LIPC: variants seen among roughly 807,000 people sequenced by gnomAD.
The protein encoded by LIPC is hepatic triacylglycerol lipase.
A neutral mutation model predicts 50.7 loss-of-function variants in LIPC; 44 were observed. The observed-to-expected ratio is 0.87, with a 90% confidence interval of 0.68 to 1.11. The LOEUF (loss-of-function observed/expected upper bound fraction) is 1.11. Ranked by LOEUF, LIPC falls within the 50% of genes most tolerant of loss-of-function variation. The pLI, the probability that LIPC is intolerant of heterozygous loss-of-function variation, is 0.00. For missense variants in LIPC, 697 were observed against 648.2 expected (o/e 1.08, Z -0.82); for synonymous variants, 271 against 256.4 (o/e 1.06, Z -0.54).
chr15:58,485,477 G>A (rs1891342710), intron 1 of LIPC, among the ~76,000 whole-genome samples: 1 of 152,138 alleles, frequency 6.6e-6, no homozygotes, highest in Admixed American at 6.5e-5. Flanking sequence ...TCACTCCCCT[G>A]GCTCTCAGGC....
At position 58,569,065 on chromosome 15, in the gene LIPC, A is replaced by G; in HGVS notation, c.*238A>G. 1 of 352,452 alleles carries G rather than the reference A, an allele frequency of 2.8e-6. No homozygotes were observed. Among genetic ancestry groups the G allele is most frequent in the South Asian group, 6.1e-5 (1 of 16,464 alleles). The allele number at this position is 352,452 out of a possible 1,614,324, so 21.8% of individuals were successfully genotyped here. A position where few individuals can be genotyped will look rare whatever the true frequency, so the allele number is the denominator to read the frequency against. ...CAATTTTATCTCTGGTTAAATGTTAATATATGCAAATAAGTACAAATGCAA... is the reference window on the plus strand; with the variant it reads ...CAATTTTATCTCTGGTTAAATGTTAGTATATGCAAATAAGTACAAATGCAA... On this transcript the variant is annotated 3_prime_UTR_variant, in exon 9 of 9. Transcript: ENST00000299022.
intron 1 of LIPC, chr15:58,494,647 C>A: frequency 4.9e-6 from 2 of 407,366 alleles, no homozygotes; most frequent in South Asian, 3.7e-5. Context: ...CCACCTGTAT[C>A]AATCAGTGCC....
chr15:58,520,351 G>A (rs1313554169), intron 1 of LIPC, among the ~76,000 whole-genome samples: 1 of 152,140 alleles, frequency 6.6e-6, no homozygotes, highest in East Asian at 1.9e-4. Flanking sequence ...AGTTCCACAA[G>A]ATCCTTGGCC....
chr15:58,476,814 T>C (rs551283250), intron 1 of LIPC, among the ~76,000 whole-genome samples: 1 of 152,358 alleles, frequency 6.6e-6, no homozygotes, highest in East Asian at 1.9e-4. Flanking sequence ...AATGTGCCTC[T>C]GTACTTGAGA....
intron 1 of LIPC, among the ~76,000 whole-genome samples, chr15:58,450,763 G>T (rs1893871775): frequency 6.6e-6 from 1 of 152,144 alleles, no homozygotes; most frequent in Non-Finnish European, 1.5e-5. Flanking sequence ...AGTGAAAGTA[G>T]TAAGAAATGC....
At chr15:58,539,183 G>C (rs1391066206) in intron 2 of LIPC, among the ~76,000 whole-genome samples, 1 of 152,096 alleles carries the variant, frequency 6.6e-6, no homozygotes. Flanking sequence ...TGTACACAAA[G>C]GAGTCAAAAG....
At chr15:58,557,612 G>C (rs1338118672) in intron 6 of LIPC, among the ~76,000 whole-genome samples, 4 of 151,866 alleles carry the variant, frequency 2.6e-5, no homozygotes, top group Non-Finnish European at 4.4e-5. Flanking sequence ...GTCTCGATCT[G>C]TTGACCTCGT....
intron 6 of LIPC, among the ~76,000 whole-genome samples, chr15:58,559,922 G>T (rs1030513016): frequency 1.3e-5 from 2 of 151,092 alleles, no homozygotes; most frequent in Non-Finnish European, 2.9e-5. Flanking sequence ...ACCATCTAGG[G>T]TGAGGGAAGC....
At chr15:58,514,415 G>T (rs1329991355) in intron 1 of LIPC, among the ~76,000 whole-genome samples, 6 of 152,190 alleles carry the variant, frequency 3.9e-5, no homozygotes, top group African/African-American at 1.2e-4. Context: ...TTTCAAATAG[G>T]ATTATGCACT....
At chr15:58,564,775 G>A (rs748590082) in intron 8 of LIPC, among the ~76,000 whole-genome samples, 14 of 151,926 alleles carry the variant, frequency 9.2e-5, no homozygotes, top group East Asian at 1.9e-4. Flanking sequence ...ATGCTCCAGC[G>A]CTCCTGAAGT....
intron 1 of LIPC, among the ~76,000 whole-genome samples, chr15:58,529,662 A>G (rs142540036): frequency 3.1e-3 from 472 of 152,350 alleles, no homozygotes; most frequent in Non-Finnish European, 5.7e-3. Flanking sequence ...GAGCTTTAAC[A>G]GAGATAGGAA....
At chr15:58,438,728 G>T (rs1239013182) in intron 1 of LIPC, among the ~76,000 whole-genome samples, 1 of 152,218 alleles carries the variant, frequency 6.6e-6, no homozygotes, top group South Asian at 2.1e-4. Flanking sequence ...CCTAAACATG[G>T]TCACAAAGTA....
intron 1 of LIPC, among the ~76,000 whole-genome samples, chr15:58,461,910 G>A (rs1219440805): frequency 6.7e-5 from 10 of 149,688 alleles, no homozygotes; most frequent in African/African-American, 2.5e-4. Context: ...CTCCACACCT[G>A]CCTCGTGCTG....
chr15:58,452,816 G>C (rs1227945155), intron 1 of LIPC, among the ~76,000 whole-genome samples: 1 of 152,242 alleles, frequency 6.6e-6, no homozygotes, highest in Non-Finnish European at 1.5e-5. Flanking sequence ...GGGACTGGGA[G>C]CTGGTAGTGA....
chr15:58,469,303 G>A (rs1336662501), intron 1 of LIPC, among the ~76,000 whole-genome samples: 2 of 152,066 alleles, frequency 1.3e-5, no homozygotes, highest in Non-Finnish European at 2.9e-5. Context: ...CCACCCTAAG[G>A]AATATAGTTT....
intron 1 of LIPC, among the ~76,000 whole-genome samples, chr15:58,446,209 TTTC>T (rs1170065436): frequency 3.3e-5 from 5 of 152,178 alleles, no homozygotes; most frequent in Non-Finnish European, 5.9e-5. Flanking sequence ...CTAGTATTTC[TTTC>T]TTTTTTTGAG....
At chr15:58,508,981 C>A (rs1892250257) in intron 1 of LIPC, among the ~76,000 whole-genome samples, 1 of 152,134 alleles carries the variant, frequency 6.6e-6, no homozygotes, top group African/African-American at 2.4e-5. Flanking sequence ...ATGTATTTGT[C>A]CTGTATCAAA....
At chr15:58,507,689 T>A (rs771667320) in intron 1 of LIPC, among the ~76,000 whole-genome samples, 5 of 152,210 alleles carry the variant, frequency 3.3e-5, no homozygotes, top group African/African-American at 4.8e-5. Flanking sequence ...AGGCACTGTG[T>A]AGAGGCTAAG....
intron 1 of LIPC, among the ~76,000 whole-genome samples, chr15:58,452,101 T>C (rs955732180): frequency 2.0e-5 from 3 of 152,190 alleles, no homozygotes; most frequent in Admixed American, 6.5e-5. Flanking sequence ...CAAGGCTGTG[T>C]ATGTTGAATA....
Sources: allele counts gnomAD v4.1 joint callset (sites outside exome capture counted in the v4.1 genomes callset), GRCh38; gene constraint gnomAD v4.1.1; transcripts MANE v1.5; gene names NCBI Gene and HGNC (gene_info 2026-07-23, HGNC 2026-07-21).